Variants in MTMR1 observed in about 807,000 individuals in gnomAD.
MTMR1 encodes the protein phosphatidylinositol-3-phosphate phosphatase MTMR1.
A neutral mutation model predicts 51.6 loss-of-function variants in MTMR1; 17 were observed. That is an observed-to-expected ratio of 0.33 (90% CI 0.23 to 0.49). The LOEUF is 0.49. Ranked by LOEUF, MTMR1 falls within the 20% of genes least tolerant of loss-of-function variation. The pLI is 0.99. For synonymous variants in MTMR1, 201 were observed against 205.6 expected (o/e 0.98, Z 0.19); for missense variants, 386 against 526.9 (o/e 0.73, Z 2.62).
intron 4 of MTMR1, 72 bp downstream of exon 4, chrX:150,718,772 T>A: frequency 9.6e-7 from 1 of 1,046,736 alleles, no homozygotes; most frequent in Non-Finnish European, 1.3e-6. Context: ...CAAGTGGAGG[T>A]GATGTATGTG....
rs931751433 is a variant in MTMR1 at position 150,742,539 on chromosome X, A to G, written c.1474-1822A>G. Among the ~76,000 whole-genome samples, 8 of 111,435 alleles carry G rather than the reference A, an allele frequency of 7.2e-5. No individual in the cohort carries two copies. The East Asian group carries it at 1.7e-3, about 23-fold the overall frequency. On this transcript the variant is annotated intron_variant, in intron 12 of 15. Coordinates refer to ENST00000445323, the MANE Select transcript of MTMR1 (RefSeq NM_001306144.3). The stretch of plus-strand genomic sequence containing the variant: ...ACCTTGAAAACATGCTCAGCAGGCC[A>G]GGCGCGGTGGCTCACGCCTGTAATC...
intron 10 of MTMR1, among the ~76,000 whole-genome samples, chrX:150,732,940 C>T (rs1557417048): frequency 8.9e-6 from 1 of 112,023 alleles, no homozygotes; most frequent in African/African-American, 3.2e-5. Context: ...TGCTTCTCTA[C>T]AATATCCTGT....
chrX:150,738,707 A>G (rs2042344915), intron 12 of MTMR1, among the ~76,000 whole-genome samples: 1 of 111,304 alleles, frequency 9.0e-6, no homozygotes, highest in Admixed American at 9.5e-5. Context: ...TACCAGTGAG[A>G]TTGGCTTAGG....
intron 15 of MTMR1, among the ~76,000 whole-genome samples, chrX:150,761,494 G>A (rs1645988749): frequency 8.9e-6 from 1 of 112,962 alleles, no homozygotes; most frequent in African/African-American, 3.2e-5. Flanking sequence ...TGAAAGATGA[G>A]CCAGAGGGCC....
At chrX:150,759,370 A>G (rs1312495792) in intron 15 of MTMR1, among the ~76,000 whole-genome samples, 3 of 112,303 alleles carry the variant, frequency 2.7e-5, no homozygotes, top group Non-Finnish European at 3.8e-5. Flanking sequence ...ACATAGGGTT[A>G]CCAGGTGATA....
chrX:150,731,829 TA>T (rs782169486), intron 9 of MTMR1, among the ~76,000 whole-genome samples: 6 of 112,103 alleles, frequency 5.4e-5, no homozygotes, highest in African/African-American at 1.9e-4. Context: ...TTCCTATAAC[TA>T]AGTATAAGGG....
chrX:150,704,729 T>C (rs1327193084), intron 2 of MTMR1, among the ~76,000 whole-genome samples: 2 of 111,906 alleles, frequency 1.8e-5, no homozygotes, highest in African/African-American at 6.5e-5. Flanking sequence ...AATGAAGTAG[T>C]GCTCCTCTTC....
At position 150,759,254 on chromosome X, in the gene MTMR1, A is replaced by C. The variant is rs183527424; in HGVS notation, c.1858-3311A>C. On this transcript the variant is annotated intron_variant, in intron 15 of 15. Transcript: ENST00000445323. ...TCTTCACTGATGTGTATTTCTACTT[A>C]GGCATCTTGCTGAGTTATTCTGTCC... Among the ~76,000 whole-genome samples, 257 of 112,568 alleles carry C rather than the reference A, an allele frequency of 2.3e-3. 3 individuals carry two copies. The highest frequency in any genetic ancestry group is 0.014 in the Middle Eastern group (3 of 218).
rs782404008 is a variant in MTMR1, at chrX:150,704,694, T to C, written c.252+5394T>C. Among the ~76,000 whole-genome samples the C allele has an allele frequency of 4.5e-5, 5 of 112,094 alleles. 1 individual carries two copies. In the South Asian group the frequency reaches 1.9e-3, roughly 42 times the overall value. ...GTCAGTGGAGGCTGAGTACGGAACCTGGACTCCTACCCCTACCTAGAAGTA... is the reference window on the plus strand; with the variant it reads ...GTCAGTGGAGGCTGAGTACGGAACCCGGACTCCTACCCCTACCTAGAAGTA... On this transcript the variant is annotated intron_variant, in intron 2 of 15. Coordinates refer to ENST00000445323, the MANE Select transcript of MTMR1 (RefSeq NM_001306144.3).
At position 150,727,439 on chromosome X, in the gene MTMR1, A is replaced by T. The variant is rs190614258; in HGVS notation, c.447+130A>T. 3.5e-4 allele frequency: 188 copies of T among 536,234 alleles called. No individual in the cohort carries two copies. The African/African-American group carries it at 4.0e-3, about 11-fold the overall frequency. 44.2% of individuals were successfully genotyped at this position (536,234 alleles called of 1,213,427 possible). A position where few individuals can be genotyped will look rare whatever the true frequency, so the allele number is the denominator to read the frequency against. ...ACAGGTTGGATTTTGAGATGCACAC[A>T]TTTGCAAACAGATGTTTGTATCTTG... On this transcript the variant is annotated intron_variant, in intron 5 of 15. Transcript: ENST00000445323.
At chrX:150,743,416 A>AAAATAC (rs1458341316) in intron 12 of MTMR1, among the ~76,000 whole-genome samples, 6 of 112,100 alleles carry the variant, frequency 5.4e-5, no homozygotes, top group Non-Finnish European at 9.4e-5. Flanking sequence ...AATAAAAATA[A>AAAATAC]AAATAATGGT....
In MTMR1 at chrX:150,693,437, T is replaced by C. The variant is rs1156650604; in HGVS notation, c.-94T>C. The C allele has an allele frequency of 9.3e-6, 7 of 751,216 alleles. No individual in the cohort carries two copies. Among genetic ancestry groups the C allele is most frequent in the Admixed American group, 8.7e-5 (1 of 11,450 alleles). The allele number at this position is 751,216 out of a possible 1,213,427, so 61.9% of individuals were successfully genotyped here. ...GGCCGCCTGAGGCGGGCGGGCGGTA[T>C]AGAGCGGGCGGCAGGAGGCAAGCAG... On this transcript the variant is annotated 5_prime_UTR_variant, in exon 1 of 16. Transcript: ENST00000445323.
intron 2 of MTMR1, among the ~76,000 whole-genome samples, chrX:150,706,204 C>G (rs1207594349): frequency 9.0e-6 from 1 of 110,933 alleles, no homozygotes; most frequent in Non-Finnish European, 1.9e-5. Flanking sequence ...CATGGAAGCC[C>G]TACCCTGATG....
At chrX:150,697,284 A>G (rs1185621270) in intron 1 of MTMR1, among the ~76,000 whole-genome samples, 1 of 112,148 alleles carries the variant, frequency 8.9e-6, no homozygotes, top group African/African-American at 3.2e-5. Context: ...AACCATACAG[A>G]TAACCTCTGG....
intron 15 of MTMR1, among the ~76,000 whole-genome samples, chrX:150,760,563 C>T (rs1308785754): frequency 8.9e-6 from 1 of 111,904 alleles, no homozygotes; most frequent in Admixed American, 9.4e-5. Context: ...TTCTCTAACA[C>T]AATCCTCTGT....
At chrX:150,759,212 C>G (rs1258496916) in intron 15 of MTMR1, among the ~76,000 whole-genome samples, 1 of 112,598 alleles carries the variant, frequency 8.9e-6, no homozygotes, top group Admixed American at 9.4e-5. Context: ...GCCTACATCC[C>G]CCTTCCAGCA....
chrX:150,750,725 T>C lies in MTMR1; in HGVS notation c.1567-5T>C, dbSNP rs2042704006. On this transcript the variant is annotated splice_polypyrimidine_tract_variant and splice_region_variant and intron_variant, in intron 13 of 15. Transcript: ENST00000445323. ...GACTAAACCTTATTTTTCTCTTCAT[T>C]TAAGTTTCCTTCAGCATTCGAGTTT... 8.8e-7 allele frequency: 1 copy of C among 1,141,616 alleles called. No individual in the cohort carries two copies. The highest frequency in any genetic ancestry group is 1.2e-6 in the Non-Finnish European group (1 of 838,249). The allele number at this position is 1,141,616 out of a possible 1,213,427, so 94.1% of individuals were successfully genotyped here.
chrX:150,762,759 C>A lies in MTMR1; in HGVS notation c.*30C>A. Reference sequence around the variant, plus strand: ...CGAGGTCAGCCTGCTGCTCCACTGTCTCCCGGTGGCTCAGGAAAGGGACCT... The same window carrying A: ...CGAGGTCAGCCTGCTGCTCCACTGTATCCCGGTGGCTCAGGAAAGGGACCT... On this transcript the variant is annotated 3_prime_UTR_variant, in exon 16 of 16. Transcript: ENST00000445323. The A allele has an allele frequency of 1.8e-6, 2 of 1,138,549 alleles. No homozygotes were observed. Among genetic ancestry groups the A allele is most frequent in the Non-Finnish European group, 2.3e-6 (2 of 858,894 alleles). 93.8% of individuals were successfully genotyped at this position (1,138,549 alleles called of 1,213,427 possible). A position where few individuals can be genotyped will look rare whatever the true frequency, so the allele number is the denominator to read the frequency against.
chrX:150,707,910 TAC>T (rs782476629), intron 2 of MTMR1, among the ~76,000 whole-genome samples: 1 of 112,141 alleles, frequency 8.9e-6, no homozygotes, highest in Non-Finnish European at 1.9e-5. Flanking sequence ...GAAATAATGA[TAC>T]ACACAGGCAA....
Sources: gnomAD v4.1 joint callset for allele counts (sites outside exome capture counted in the v4.1 genomes callset) on GRCh38, gnomAD v4.1.1 for gene constraint, MANE v1.5 for transcripts, NCBI Gene and HGNC (gene_info 2026-07-23, HGNC 2026-07-21) for gene names.